Variants in OTUD7A observed in about 807,000 individuals in gnomAD.
The protein encoded by OTUD7A is OTU domain-containing protein 7A.
In OTUD7A, 12 loss-of-function variants were observed where a neutral mutation model predicts 65.7. The ratio of observed to expected loss-of-function variants is 0.18; its 90% CI spans 0.12 to 0.30. The LOEUF (loss-of-function observed/expected upper bound fraction) is 0.30. OTUD7A is among the 10% of genes least tolerant of loss of function. The pLI is 1.00. For synonymous variants in OTUD7A, 641 were observed against 586.3 expected, an observed-to-expected ratio of 1.09 and a Z score of -1.35; for missense variants, 1,148 against 1,304.8, an observed-to-expected ratio of 0.88 and a Z score of 1.85.
chr15:31,547,085 C>G (rs1486767949), intron 5 of OTUD7A, among the ~76,000 whole-genome samples: 2 of 152,194 alleles, frequency 1.3e-5, no homozygotes, highest in African/African-American at 4.8e-5. Flanking sequence ...AGAGATGACT[C>G]TAAGAGAAAA....
chr15:31,636,877 T>C (rs1276703920), intron 3 of OTUD7A, among the ~76,000 whole-genome samples: 2 of 151,562 alleles, frequency 1.3e-5, no homozygotes, highest in South Asian at 2.1e-4. Context: ...TCTTCAATTC[T>C]ACGGAGGCTA....
intron 1 of OTUD7A, among the ~76,000 whole-genome samples, chr15:31,786,246 T>C (rs1218490875): frequency 1.3e-5 from 2 of 152,194 alleles, no homozygotes; most frequent in Admixed American, 6.5e-5. Flanking sequence ...CTTTCATGTA[T>C]CCTAGGCAAC....
At chr15:31,731,644 G>C (rs1883146586) in intron 1 of OTUD7A, among the ~76,000 whole-genome samples, 1 of 152,162 alleles carries the variant, frequency 6.6e-6, no homozygotes, top group Non-Finnish European at 1.5e-5. Context: ...TTATACATTT[G>C]TCTAAACCCG....
intron 8 of OTUD7A, among the ~76,000 whole-genome samples, chr15:31,509,481 A>G (rs2041642881): frequency 6.6e-6 from 1 of 151,926 alleles, no homozygotes; most frequent in Non-Finnish European, 1.5e-5. Context: ...GGGTTTCACC[A>G]TGTTAGCCAG....
chr15:31,755,954 T>C (rs1467464762), intron 1 of OTUD7A, among the ~76,000 whole-genome samples: 1 of 152,134 alleles, frequency 6.6e-6, no homozygotes, highest in Non-Finnish European at 1.5e-5. Flanking sequence ...AGAAAGGGGT[T>C]ATGGGCTTAA....
rs571203701 is a variant in OTUD7A, at chr15:31,768,229, T to C, written c.-100+102278A>G. 617 of 944,470 alleles carry C rather than the reference T, an allele frequency of 6.5e-4. 7 individuals are homozygous for C. The South Asian group carries it at 7.4e-3, about 11-fold the overall frequency. 58.5% of individuals were successfully genotyped at this position (944,470 alleles called of 1,614,324 possible). A position where few individuals can be genotyped will look rare whatever the true frequency, so the allele number is the denominator to read the frequency against. ...GTCTGTCAGCGTCCGGTGGCATCCATGGCAGTGTAGGTGACACTCAAGACC... is the reference window on the plus strand; with the variant it reads ...GTCTGTCAGCGTCCGGTGGCATCCACGGCAGTGTAGGTGACACTCAAGACC... On this transcript the variant is annotated intron_variant, in intron 1 of 12. Coordinates refer to ENST00000307050, the MANE Select transcript of OTUD7A (RefSeq NM_001382637.1).
At chr15:31,511,963 C>A (rs1242550891) in intron 8 of OTUD7A, among the ~76,000 whole-genome samples, 1 of 151,974 alleles carries the variant, frequency 6.6e-6, no homozygotes, top group Non-Finnish European at 1.5e-5. Flanking sequence ...ATTTTTTTTA[C>A]CTTTTTTTAA....
intron 10 of OTUD7A, among the ~76,000 whole-genome samples, chr15:31,501,256 C>T (rs1245607891): frequency 6.6e-6 from 1 of 152,204 alleles, no homozygotes. Flanking sequence ...AGTGCAAAAA[C>T]GGCCACAGAT....
At position 31,676,310 on chromosome 15, in the gene OTUD7A, C is replaced by T. The variant is rs28533406; in HGVS notation, c.-99-19233G>A. Among the ~76,000 whole-genome samples the T allele has an allele frequency of 4.5e-3, 686 of 152,050 alleles. 3 individuals are homozygous for T. Among genetic ancestry groups the T allele is most frequent in the African/African-American group, 0.016 (660 of 41,484 alleles). ...AGACCTTTGCTTTTGCTCATGGCTA[C>T]AATGTGCTCAGCCCCATGTAGTAAA... On this transcript the variant is annotated intron_variant, in intron 1 of 12. Coordinates refer to ENST00000307050, the MANE Select transcript of OTUD7A (RefSeq NM_001382637.1).
rs182540068 is a variant in OTUD7A, at chr15:31,724,309, G to A, written c.-99-67232C>T. Among the ~76,000 whole-genome samples, 206 of 152,210 alleles carry A rather than the reference G, an allele frequency of 1.4e-3. 1 individual carries two copies. Among genetic ancestry groups the A allele is most frequent in the Non-Finnish European group, 6.0e-4 (41 of 68,020 alleles). On this transcript the variant is annotated intron_variant, in intron 1 of 12. Coordinates refer to ENST00000307050, the MANE Select transcript of OTUD7A (RefSeq NM_001382637.1). ...TGGGTTTGCTTAGAAAATTCTTCCC[G>A]TAAAATAAATACTATTCTCTGATAT...
At position 31,674,568 on chromosome 15, in the gene OTUD7A, CA is replaced by C. The variant is rs1461339024; in HGVS notation, c.-99-17492del. 3.3e-5 allele frequency among the ~76,000 whole-genome samples: 5 copies of C among 152,240 alleles called. No individual in the cohort carries two copies. In the East Asian group the frequency reaches 9.6e-4, roughly 29 times the overall value. On this transcript the variant is annotated intron_variant, in intron 1 of 12. Coordinates refer to ENST00000307050, the MANE Select transcript of OTUD7A (RefSeq NM_001382637.1). ...GACCCTGGATTTCAGAAAAGACAGA[CA>C]AAATTCCTAGCACCCAGGGATGAAA...
intron 1 of OTUD7A, among the ~76,000 whole-genome samples, chr15:31,863,906 G>T (rs1434880056): frequency 6.6e-6 from 1 of 152,136 alleles, no homozygotes; most frequent in African/African-American, 2.4e-5. Context: ...TTTTAAAATG[G>T]AATGCTTTTA....
At chr15:31,538,623 G>A (rs1887883059) in intron 5 of OTUD7A, among the ~76,000 whole-genome samples, 1 of 152,138 alleles carries the variant, frequency 6.6e-6, no homozygotes, top group Non-Finnish European at 1.5e-5. Context: ...TGAGTTTGTG[G>A]CAAGCCAATT....
At chr15:31,788,498 G>A (rs770134854) in intron 1 of OTUD7A, among the ~76,000 whole-genome samples, 6 of 152,286 alleles carry the variant, frequency 3.9e-5, no homozygotes, top group African/African-American at 9.6e-5. Flanking sequence ...ACCTAGTTTC[G>A]ATGATACAGG....
intron 3 of OTUD7A, among the ~76,000 whole-genome samples, chr15:31,633,445 C>T (rs1203858218): frequency 3.9e-5 from 6 of 152,292 alleles, no homozygotes; most frequent in Non-Finnish European, 7.4e-5. Context: ...TTCTTGGTAC[C>T]TATTTTGAAT....
chr15:31,784,892 G>A (rs140340978), intron 1 of OTUD7A, among the ~76,000 whole-genome samples: 1 of 152,286 alleles, frequency 6.6e-6, no homozygotes, highest in African/African-American at 2.4e-5. Flanking sequence ...AGAAAGAGTA[G>A]GGGAAGGTGT....
chr15:31,671,611 T>C, intron 1 of OTUD7A, among the ~76,000 whole-genome samples: 1 of 152,240 alleles, frequency 6.6e-6, no homozygotes, highest in Non-Finnish European at 1.5e-5. Context: ...ATGAATTATA[T>C]TAATGTGCTT....
chr15:31,615,365 CT>C (rs1890555310), intron 3 of OTUD7A, among the ~76,000 whole-genome samples: 1 of 151,962 alleles, frequency 6.6e-6, no homozygotes, highest in African/African-American at 2.4e-5. Context: ...GAAAATAAAA[CT>C]TTAGTAATGA....
intron 1 of OTUD7A, among the ~76,000 whole-genome samples, chr15:31,675,681 G>C (rs1892580793): frequency 6.6e-6 from 1 of 152,100 alleles, no homozygotes; most frequent in Admixed American, 6.5e-5. Flanking sequence ...TAAATGGCTG[G>C]AACAAGATCA....
Sources: allele counts gnomAD v4.1 joint callset (sites outside exome capture counted in the v4.1 genomes callset), GRCh38; gene constraint gnomAD v4.1.1; transcripts MANE v1.5; gene names NCBI Gene and HGNC (gene_info 2026-07-23, HGNC 2026-07-21).